Variants in PDAP1 observed in about 807,000 individuals in gnomAD.
The protein encoded by PDAP1 is PDGFA associated protein 1, also known as 28 kDa heat- and acid-stable phosphoprotein.
In PDAP1, 13 loss-of-function variants were observed where a neutral mutation model predicts 28.0. That is an observed-to-expected ratio of 0.46 (90% CI 0.30 to 0.74). The LOEUF (loss-of-function observed/expected upper bound fraction) is 0.74. PDAP1 is among the 30% of genes least tolerant of loss of function. PDAP1 has a pLI of 0.07. For synonymous variants in PDAP1, 77 were observed against 85.1 expected, an observed-to-expected ratio of 0.91 and a Z score of 0.52; for missense variants, 150 against 230.0, an observed-to-expected ratio of 0.65 and a Z score of 2.25.
At position 99,403,418 on chromosome 7, in the gene PDAP1, C is replaced by T; in HGVS notation, c.193G>A (p.Asp65Asn). Residue 65 changes from aspartate to asparagine, a missense_variant, in exon 3 of 6, where the codon GAT becomes AAT. Coordinates refer to ENST00000350498, the MANE Select transcript of PDAP1 (RefSeq NM_014891.7). ...KKSLDSDESE[D>N]EEDDYQQKRK... ...AGTACCTGGTAGTCATCTTCTTCATCCTCACTCTCATCTGAGTCTAGAGAT... is the reference window on the plus strand; with the variant it reads ...AGTACCTGGTAGTCATCTTCTTCATTCTCACTCTCATCTGAGTCTAGAGAT... The T allele has an allele frequency of 6.2e-7, 1 of 1,602,372 alleles. No individual in the cohort carries two copies.
intron 4 of PDAP1, 128 bp downstream of exon 4, chr7:99,400,174 TG>T: frequency 1.0e-6 from 1 of 980,448 alleles, no homozygotes; most frequent in Non-Finnish European, 1.5e-6. Flanking sequence ...TAAAGGCTAC[TG>T]GAGGGCCATT....
At chr7:99,402,228 C>CA (rs765074891) in intron 3 of PDAP1, among the ~76,000 whole-genome samples, 2,181 of 47,006 alleles carry the variant, frequency 0.046, 59 homozygotes, top group African/African-American at 0.088. Context: ...CTCCATCTCC[C>CA]AAAAAAAAAA....
chr7:99,404,490 T>C (rs1048230277), intron 2 of PDAP1, among the ~76,000 whole-genome samples: 1 of 152,100 alleles, frequency 6.6e-6, no homozygotes, highest in African/African-American at 2.4e-5. Context: ...ATATGTCATG[T>C]GCAGTGTGGC....
At position 99,399,229 on chromosome 7, in the gene PDAP1, T is replaced by C. The variant is rs188028539; in HGVS notation, c.335+1074A>G. ...GGGACTCCCGAGTGGGAAGAGCAGA[T>C]GCCTCACTACAGAGCTGAGGAGATA... On this transcript the variant is annotated intron_variant, in intron 4 of 5. Coordinates refer to ENST00000350498, the MANE Select transcript of PDAP1 (RefSeq NM_014891.7). 8.2e-3 allele frequency among the ~76,000 whole-genome samples: 1,247 copies of C among 152,218 alleles called. 15 individuals carry two copies. Among genetic ancestry groups the C allele is most frequent in the African/African-American group, 0.027 (1,138 of 41,524 alleles).
chr7:99,396,820 C>G (rs547569380), intron 5 of PDAP1, 80 bp from the exon 6 acceptor site: 33 of 1,110,488 alleles, frequency 3.0e-5, no homozygotes, highest in Non-Finnish European at 2.5e-5. Flanking sequence ...AACCCTAGAA[C>G]TTTAGGTCTG....
At chr7:99,405,651 C>T (rs912689270) in intron 1 of PDAP1, among the ~76,000 whole-genome samples, 3 of 150,672 alleles carry the variant, frequency 2.0e-5, no homozygotes, top group Admixed American at 6.6e-5. Flanking sequence ...TGTGAGCCAC[C>T]GCGCCCAGCC....
intron 4 of PDAP1, 56 bp downstream of exon 4, chr7:99,400,247 C>T: frequency 6.2e-7 from 1 of 1,600,840 alleles, no homozygotes; most frequent in South Asian, 1.1e-5. Flanking sequence ...TAGCATCCCA[C>T]AGGCCAACTG....
At chr7:99,405,045 G>A (rs939388419) in intron 1 of PDAP1, 92 bp from the exon 2 acceptor site, 18 of 899,904 alleles carry the variant, frequency 2.0e-5, no homozygotes, top group Middle Eastern at 2.2e-4. Flanking sequence ...TACTCTCATC[G>A]GAGGCCTCAC....
chr7:99,405,053 C>T (rs554336131), intron 1 of PDAP1, 100 bp from the exon 2 acceptor site: 2 of 802,528 alleles, frequency 2.5e-6, no homozygotes, highest in South Asian at 1.6e-5. Context: ...TCGGAGGCCT[C>T]ACCTACCCCT....
chr7:99,406,874 T>C (rs917152), intron 1 of PDAP1, among the ~76,000 whole-genome samples: 11,275 of 152,240 alleles, frequency 0.074, 606 homozygotes, highest in African/African-American at 0.15. Context: ...AATGACTACC[T>C]AGGTTCCCAG....
intron 3 of PDAP1, 109 bp downstream of exon 3, chr7:99,403,289 G>A (rs1481409836): frequency 7.2e-6 from 5 of 698,932 alleles, no homozygotes; most frequent in Non-Finnish European, 1.3e-5. Flanking sequence ...ACCCTCAAGA[G>A]CAAGGACGTT....
At position 99,403,422 on chromosome 7, in the gene PDAP1, A is replaced by G; in HGVS notation, c.189T>C (p.Ser63=). ...CCTGGTAGTCATCTTCTTCATCCTC[A>G]CTCTCATCTGAGTCTAGAGATTTCT... ...KEKKSLDSDE[S]EDEEDDYQQK... is the part of the protein sequence containing the mutation. The change falls in exon 3 of 6, where the codon AGT becomes AGC. Residue 63 remains serine (S), a synonymous_variant. Coordinates refer to ENST00000350498, the MANE Select transcript of PDAP1 (RefSeq NM_014891.7). 1.2e-6 allele frequency: 2 copies of G among 1,604,124 alleles called. No individual in the cohort carries two copies. The highest frequency in any genetic ancestry group is 1.1e-5 in the South Asian group (1 of 90,884).
intron 4 of PDAP1, 64 bp downstream of exon 4, chr7:99,400,239 G>C: frequency 6.3e-7 from 1 of 1,582,500 alleles, no homozygotes; most frequent in South Asian, 1.1e-5. Context: ...GGGGACCTTA[G>C]CATCCCACAG....
intron 1 of PDAP1, among the ~76,000 whole-genome samples, chr7:99,408,271 C>T (rs766669744): frequency 1.3e-5 from 2 of 152,016 alleles, no homozygotes; most frequent in African/African-American, 2.4e-5. Context: ...CCCGGAGAAG[C>T]GCATCCTAGA....
intron 1 of PDAP1, among the ~76,000 whole-genome samples, chr7:99,406,832 T>C (rs1562825990): frequency 6.6e-6 from 1 of 152,214 alleles, no homozygotes; most frequent in Non-Finnish European, 1.5e-5. Context: ...AAAGCCATAA[T>C]TGGGCTGCTA....
intron 2 of PDAP1, 92 bp downstream of exon 2, chr7:99,404,770 G>A (rs532558355): frequency 2.8e-5 from 27 of 962,416 alleles, no homozygotes; most frequent in African/African-American, 1.1e-4. Context: ...TTGTCCCTGC[G>A]AATGGGTAGT....
chr7:99,401,886 G>A (rs898452451), intron 3 of PDAP1, among the ~76,000 whole-genome samples: 6 of 151,518 alleles, frequency 4.0e-5, no homozygotes, highest in African/African-American at 9.7e-5. Context: ...TAGTAGAGAC[G>A]GGGTTTCACT....
rs140953503 is a variant in PDAP1 at position 99,396,733 on chromosome 7, G to T, written c.495C>A (p.Asp165Glu). 6 of 1,611,884 alleles carry T rather than the reference G, an allele frequency of 3.7e-6. No individual in the cohort carries two copies. The highest frequency in any genetic ancestry group is 5.1e-6 in the Non-Finnish European group (6 of 1,179,336). ...TTCGTTTTCCTGACAATGTGGCATC[G>T]TCTTTTGCTGAGGGGTGGGAGAAGG... is the stretch of plus-strand genomic sequence containing the variant. ...RKKEEERKAK[D>E]DATLSGKRMQ... The change falls in exon 6 of 6, where the codon GAC (aspartate) becomes GAA (glutamate). Residue 165 changes from aspartate to glutamate, a missense_variant. Physicochemically the swap from Asp to Glu is conservative, Grantham distance 45. Coordinates refer to ENST00000350498, the MANE Select transcript of PDAP1 (RefSeq NM_014891.7).
At chr7:99,399,608 A>T (rs746288342) in intron 4 of PDAP1, among the ~76,000 whole-genome samples, 28 of 152,146 alleles carry the variant, frequency 1.8e-4, no homozygotes, top group East Asian at 3.9e-4. Context: ...AGCAGCTGCA[A>T]TCACACCCAA....
Sources: allele counts gnomAD v4.1 joint callset (sites outside exome capture counted in the v4.1 genomes callset), GRCh38; gene constraint gnomAD v4.1.1; transcripts MANE v1.5; gene names NCBI Gene and HGNC (gene_info 2026-07-23, HGNC 2026-07-21).